Variants in CUL3 observed in about 807,000 individuals in gnomAD.
The protein encoded by CUL3 is cullin-3.
In CUL3, 19 loss-of-function variants were observed where a neutral mutation model predicts 89.1. That is an observed-to-expected ratio of 0.21 (90% CI 0.15 to 0.31). The LOEUF (loss-of-function observed/expected upper bound fraction) is 0.31. CUL3 is among the 10% of genes least tolerant of loss of function. The pLI, the probability that CUL3 is intolerant of heterozygous loss-of-function variation, is 1.00. For synonymous variants in CUL3, 351 were observed against 308.4 expected, an observed-to-expected ratio of 1.14 and a Z score of -1.45; for missense variants, 469 against 942.3, an observed-to-expected ratio of 0.50 and a Z score of 6.58.
At chr2:224,562,237 C>T (rs1264009611) in intron 1 of CUL3, among the ~76,000 whole-genome samples, 4 of 151,530 alleles carry the variant, frequency 2.6e-5, no homozygotes, top group South Asian at 4.2e-4. Context: ...GTATGTAGTG[C>T]GTTTTTTTTT....
intron 13 of CUL3, among the ~76,000 whole-genome samples, chr2:224,487,594 G>C (rs1691782375): frequency 6.6e-6 from 1 of 152,092 alleles, no homozygotes; most frequent in Non-Finnish European, 1.5e-5. Context: ...GGAGCACCCA[G>C]ATTCATAAAG....
intron 3 of CUL3, among the ~76,000 whole-genome samples, chr2:224,534,398 C>T (rs1430012553): frequency 6.6e-6 from 1 of 152,056 alleles, no homozygotes; most frequent in African/African-American, 2.4e-5. Context: ...CAATAATATA[C>T]TATTAAGAAA....
chr2:224,544,779 C>G (rs1574678424), intron 2 of CUL3, among the ~76,000 whole-genome samples: 1 of 150,534 alleles, frequency 6.6e-6, no homozygotes, highest in Non-Finnish European at 1.5e-5. Flanking sequence ...CAATGGGAGA[C>G]AAGCCATAAG....
In CUL3 at chr2:224,502,952, C is replaced by T. The variant is rs3754629; in HGVS notation, c.1485+13G>A. 243,474 of 1,578,040 alleles carry T rather than the reference C, an allele frequency of 0.15. 21,159 individuals carry two copies. Among genetic ancestry groups the T allele is most frequent in the East Asian group, 0.29 (12,822 of 44,626 alleles). ...ACATGAATATCTAAGTAGAAATTAA[C>T]GCAGAATCTTACACCAGTTGCCTGT... On this transcript the variant is annotated intron_variant, in intron 10 of 15. Transcript: ENST00000264414.
chr2:224,570,697 T>G (rs1052148079), intron 1 of CUL3, among the ~76,000 whole-genome samples: 1 of 152,130 alleles, frequency 6.6e-6, no homozygotes, highest in Non-Finnish European at 1.5e-5. Flanking sequence ...ATGGGACAAT[T>G]CCATGAAATC....
chr2:224,488,633 C>T (rs1165741106), intron 13 of CUL3, among the ~76,000 whole-genome samples: 3 of 152,086 alleles, frequency 2.0e-5, no homozygotes, highest in Non-Finnish European at 4.4e-5. Flanking sequence ...GCCTACCAAC[C>T]CAAAAAAGCC....
At chr2:224,562,765 T>C (rs1250988051) in intron 1 of CUL3, 1 of 152,562 alleles carries the variant, frequency 6.6e-6, no homozygotes, top group Non-Finnish European at 1.5e-5. Context: ...AGTGGACTAA[T>C]GTCACATTCC....
chr2:224,481,792 C>T, intron 14 of CUL3, 100 bp downstream of exon 14: 1 of 778,802 alleles, frequency 1.3e-6, no homozygotes, highest in Non-Finnish European at 1.9e-6. Context: ...CATGCAGCAC[C>T]AGAAAAGGAG....
chr2:224,556,202 A>G (rs969963006), intron 2 of CUL3: 4 of 152,156 alleles, frequency 2.6e-5, no homozygotes, highest in African/African-American at 9.7e-5. Context: ...TGCTAAAACC[A>G]TCACATGAAA....
intron 2 of CUL3, among the ~76,000 whole-genome samples, chr2:224,553,314 C>T (rs1036741922): frequency 3.3e-5 from 5 of 152,198 alleles, no homozygotes; most frequent in African/African-American, 1.2e-4. Context: ...GAAATTGCTA[C>T]ATTTCCTAGT....
At chr2:224,553,439 G>C (rs1694590077) in intron 2 of CUL3, among the ~76,000 whole-genome samples, 1 of 152,284 alleles carries the variant, frequency 6.6e-6, no homozygotes, top group African/African-American at 2.4e-5. Flanking sequence ...TAAGAATTTA[G>C]CATATACTGT....
At chr2:224,500,751 G>A (rs1218646187) in intron 10 of CUL3, among the ~76,000 whole-genome samples, 5 of 150,460 alleles carry the variant, frequency 3.3e-5, no homozygotes, top group African/African-American at 7.3e-5. Flanking sequence ...TCAGCTTCCC[G>A]AGTAGCTGGG....
intron 1 of CUL3, among the ~76,000 whole-genome samples, chr2:224,582,615 T>A (rs1695466955): frequency 6.6e-6 from 1 of 152,160 alleles, no homozygotes; most frequent in Non-Finnish European, 1.5e-5. Flanking sequence ...CCTGCAAAAG[T>A]TATAGACAGA....
intron 1 of CUL3, among the ~76,000 whole-genome samples, chr2:224,565,705 C>T (rs1057263473): frequency 1.3e-5 from 2 of 152,140 alleles, no homozygotes; most frequent in African/African-American, 4.8e-5. Flanking sequence ...GGTTCAGAAG[C>T]GCTCATCTCC....
At chr2:224,510,610 T>C (rs1030921648) in intron 6 of CUL3, among the ~76,000 whole-genome samples, 3 of 152,198 alleles carry the variant, frequency 2.0e-5, no homozygotes, top group African/African-American at 7.2e-5. Flanking sequence ...ATGTTTTTTA[T>C]TTCCTAATAC....
rs566417398 is a variant in CUL3, at chr2:224,473,329, G to A, written c.*916C>T. 1 of 194,040 alleles carries A rather than the reference G, an allele frequency of 5.2e-6. No homozygotes were observed. Among genetic ancestry groups the A allele is most frequent in the South Asian group, 1.9e-4 (1 of 5,172 alleles). 12.0% of individuals were successfully genotyped at this position (194,040 alleles called of 1,614,324 possible). A position where few individuals can be genotyped will look rare whatever the true frequency, so the allele number is the denominator to read the frequency against. On this transcript the variant is annotated 3_prime_UTR_variant, in exon 16 of 16. Coordinates refer to ENST00000264414, the MANE Select transcript of CUL3 (RefSeq NM_003590.5). ...GGTATTTATAAACAAAGTATAGACT[G>A]TATGTGCTTTTCAGAGGGGCTGAAT...
chr2:224,567,793 G>T (rs1387719374), intron 1 of CUL3, among the ~76,000 whole-genome samples: 2 of 151,028 alleles, frequency 1.3e-5, no homozygotes, highest in East Asian at 3.9e-4. Flanking sequence ...CAAACACTAT[G>T]AACTCCAACC....
intron 2 of CUL3, among the ~76,000 whole-genome samples, chr2:224,544,817 T>C (rs1201720046): frequency 6.6e-6 from 1 of 150,874 alleles, no homozygotes; most frequent in African/African-American, 2.4e-5. Context: ...CAGAACTGTT[T>C]GAGAAAAAAG....
At position 224,472,258 on chromosome 2, in the gene CUL3, T is replaced by C; in HGVS notation, c.*1987A>G. The C allele has an allele frequency of 4.6e-6, 1 of 219,238 alleles. No homozygotes were observed. The highest frequency in any genetic ancestry group is 2.2e-5 in the African/African-American group (1 of 44,730). The allele number at this position is 219,238 out of a possible 1,614,324, so 13.6% of individuals were successfully genotyped here. Reference sequence around the variant, plus strand: ...CACACTTGAGACAATGACGTAAACTTAAACTTTACTTTTAATGGCTTAAAC... The same window carrying C: ...CACACTTGAGACAATGACGTAAACTCAAACTTTACTTTTAATGGCTTAAAC... On this transcript the variant is annotated 3_prime_UTR_variant, in exon 16 of 16. Coordinates refer to ENST00000264414, the MANE Select transcript of CUL3 (RefSeq NM_003590.5).
Sources: gnomAD v4.1 joint callset for allele counts (sites outside exome capture counted in the v4.1 genomes callset) on GRCh38, gnomAD v4.1.1 for gene constraint, MANE v1.5 for transcripts, NCBI Gene and HGNC (gene_info 2026-07-23, HGNC 2026-07-21) for gene names.